The following PTGR2 variants were observed in gnomAD, a reference collection of about 807,000 sequenced individuals.
PTGR2 encodes prostaglandin reductase 2.
PTGR2 carries 32 observed loss-of-function variants against 43.4 expected under a neutral mutation model. That is an observed-to-expected ratio of 0.74 (90% CI 0.56 to 0.99). The LOEUF is 0.99. Ranked by LOEUF, PTGR2 falls within the 50% of genes least tolerant of loss-of-function variation. The pLI is 0.00. For synonymous variants in PTGR2, 106 were observed against 139.2 expected, an observed-to-expected ratio of 0.76 and a Z score of 1.68; for missense variants, 373 against 420.0, an observed-to-expected ratio of 0.89 and a Z score of 0.98.
At chr14:73,856,222 A>G (rs2054342788) in intron 1 of PTGR2, among the ~76,000 whole-genome samples, 1 of 151,914 alleles carries the variant, frequency 6.6e-6, no homozygotes. Context: ...GTTACCCTAT[A>G]TAGGTATACC....
intron 2 of PTGR2, among the ~76,000 whole-genome samples, chr14:73,859,211 G>GT (rs1289400222): frequency 6.6e-6 from 1 of 152,096 alleles, no homozygotes; most frequent in African/African-American, 2.4e-5. Context: ...TTTCTTTAGA[G>GT]TATGTTATTA....
rs187865329 is a variant in PTGR2, at chr14:73,867,649, A to G, written c.157-6374A>G. The stretch of plus-strand genomic sequence containing the variant: ...CTCTTTTTCCTCCAGGGAAGTAAAT[A>G]TTTTGTCTACTTACTCATTTCATGC... On this transcript the variant is annotated intron_variant, in intron 3 of 9. Coordinates refer to ENST00000555661, the MANE Select transcript of PTGR2 (RefSeq NM_001146154.2). Among the ~76,000 whole-genome samples, 44 of 152,290 alleles carry G rather than the reference A, an allele frequency of 2.9e-4. No homozygotes were observed. The East Asian group carries it at 2.9e-3, about 10-fold the overall frequency.
At chr14:73,870,410 C>A (rs563365922) in intron 3 of PTGR2, among the ~76,000 whole-genome samples, 1 of 152,130 alleles carries the variant, frequency 6.6e-6, no homozygotes, top group South Asian at 2.1e-4. Context: ...AAACTCCTGA[C>A]CTCAGGTGAT....
At position 73,879,225 on chromosome 14, in the gene PTGR2, C is replaced by G; in HGVS notation, c.649C>G (p.Leu217Val). The change falls in exon 6 of 10, where the codon CTC (leucine) becomes GTC (valine). Residue 217 changes from leucine (L) to valine (V), a missense_variant. Leu to Val is a conservative substitution (Grantham distance 32). Transcript: ENST00000555661. The part of the protein sequence containing the change: ...NYKKDNVAEQ[L>V]RESCPAGVDV... ...TAAAAAAGACAATGTGGCAGAACAG[C>G]TCCGTGAATCATGCCCAGCTGGAGT... is the stretch of plus-strand genomic sequence containing the variant. The G allele has an allele frequency of 1.2e-6, 2 of 1,614,070 alleles. No homozygotes were observed. The highest frequency in any genetic ancestry group is 1.7e-6 in the Non-Finnish European group (2 of 1,180,010).
chr14:73,882,327 G>T, intron 8 of PTGR2, 72 bp from the exon 9 acceptor site: 3 of 948,160 alleles, frequency 3.2e-6, no homozygotes, highest in Admixed American at 2.1e-5. Flanking sequence ...GCTGGCTTTT[G>T]TAAGTATGGA....
At chr14:73,856,770 T>C (rs8019583) in intron 1 of PTGR2, among the ~76,000 whole-genome samples, 1 of 151,970 alleles carries the variant, frequency 6.6e-6, no homozygotes, top group Non-Finnish European at 1.5e-5. Flanking sequence ...ACACAATGAT[T>C]AAATCACCTA....
chr14:73,882,544 A>G (rs1566643661), intron 9 of PTGR2, 106 bp downstream of exon 9: 11 of 781,420 alleles, frequency 1.4e-5, no homozygotes, highest in Non-Finnish European at 2.3e-5. Context: ...TCTGTTGCCC[A>G]GGCTGGAGTG....
intron 7 of PTGR2, 189 bp downstream of exon 7, chr14:73,880,365 G>GA: frequency 1.7e-6 from 1 of 576,306 alleles, no homozygotes; most frequent in South Asian, 1.7e-5. Context: ...TTGAGGCCAG[G>GA]AGTTCAAAAC....
intron 7 of PTGR2, among the ~76,000 whole-genome samples, chr14:73,880,431 C>T (rs914062569): frequency 1.3e-5 from 2 of 151,398 alleles, no homozygotes; most frequent in African/African-American, 2.4e-5. Flanking sequence ...AAAAATTAGC[C>T]GGGTGTAGTG....
chr14:73,862,396 A>T (rs1050721918), intron 3 of PTGR2, among the ~76,000 whole-genome samples: 3 of 151,942 alleles, frequency 2.0e-5, no homozygotes. Context: ...TTTAGTAGAG[A>T]TGGGGTTTCA....
In PTGR2 at chr14:73,857,664, G is replaced by GTTTTT. The variant is rs1213963564; in HGVS notation, c.-47-1134_-47-1130dup. Among the ~76,000 whole-genome samples the GTTTTT allele has an allele frequency of 1.7e-3, 110 of 64,716 alleles. 14 individuals carry two copies. Among genetic ancestry groups the GTTTTT allele is most frequent in the African/African-American group, 4.4e-3 (70 of 16,070 alleles). 42.5% of individuals were successfully genotyped at this position (64,716 alleles called of 152,430 possible). A position where few individuals can be genotyped will look rare whatever the true frequency, so the allele number is the denominator to read the frequency against. ...ATTACATGTCAATTAAGCAGTTAGT[G>GTTTTT]TTTTTTTTTTTTTTTTTTTTTTGAG... On this transcript the variant is annotated intron_variant, in intron 1 of 9. Coordinates refer to ENST00000555661, the MANE Select transcript of PTGR2 (RefSeq NM_001146154.2).
intron 5 of PTGR2, chr14:73,877,893 C>T (rs1194925241): frequency 6.6e-6 from 1 of 152,248 alleles, no homozygotes; most frequent in African/African-American, 2.4e-5. Context: ...CACAGTGGCT[C>T]ATGCCTGCAA....
intron 1 of PTGR2, 28 bp downstream of exon 1, chr14:73,851,971 A>G (rs1391790451): frequency 2.0e-5 from 3 of 152,228 alleles, no homozygotes; most frequent in African/African-American, 4.8e-5. Context: ...GGCTCCCGCG[A>G]CTGTGGCTCC....
intron 2 of PTGR2, 117 bp downstream of exon 2, chr14:73,859,016 A>G: frequency 1.4e-6 from 1 of 702,576 alleles, no homozygotes; most frequent in Non-Finnish European, 2.4e-6. Context: ...TATTGACACT[A>G]GTAAAGATAT....
intron 4 of PTGR2, among the ~76,000 whole-genome samples, chr14:73,876,483 C>CTT (rs766810794): frequency 2.8e-5 from 3 of 108,570 alleles, no homozygotes; most frequent in Admixed American, 1.0e-4. Context: ...GACATAAGTC[C>CTT]TTTTTTTTTT....
chr14:73,881,870 G>A (rs1470871426), intron 8 of PTGR2, among the ~76,000 whole-genome samples: 1 of 126,074 alleles, frequency 7.9e-6, no homozygotes, highest in Non-Finnish European at 1.6e-5. Context: ...TGCAACCTCC[G>A]CCTCCTAGGT....
rs367588050 is a variant in PTGR2, at chr14:73,874,024, G to A, written c.158G>A (p.Arg53His). ...TATCTTAATGTTTTCTTTTTTCAGC[G>A]TTGTAGAATGAATGAAGACACTGGC... ...TLYLSVDPYM[R>H]CRMNEDTGTD... Residue 53 changes from arginine to histidine, a missense_variant and splice_region_variant, in exon 4 of 10, where the codon CGT (arginine) becomes CAT (histidine). By Grantham distance (29) the Arg-to-His change is conservative. Coordinates refer to ENST00000555661, the MANE Select transcript of PTGR2 (RefSeq NM_001146154.2). 127 of 1,580,846 alleles carry A rather than the reference G, an allele frequency of 8.0e-5. No individual in the cohort carries two copies. The highest frequency in any genetic ancestry group is 5.1e-4 in the Middle Eastern group (3 of 5,904).
rs760424090 is a variant in PTGR2, at chr14:73,874,613, G to C, written c.348+399G>C. The stretch of plus-strand genomic sequence containing the variant: ...GGGTTGTCACTGTGTTGCCCCGGCT[G>C]GTCTCAAACTCCTAGGCTCAAGCAA... On this transcript the variant is annotated intron_variant, in intron 4 of 9. Coordinates refer to ENST00000555661, the MANE Select transcript of PTGR2 (RefSeq NM_001146154.2). 5 of 456,006 alleles carry C rather than the reference G, an allele frequency of 1.1e-5. No individual in the cohort carries two copies. In the East Asian group the frequency reaches 3.5e-4, roughly 32 times the overall value. 28.2% of individuals were successfully genotyped at this position (456,006 alleles called of 1,614,324 possible).
At chr14:73,873,036 C>T (rs1277439253) in intron 3 of PTGR2, among the ~76,000 whole-genome samples, 2 of 151,632 alleles carry the variant, frequency 1.3e-5, no homozygotes, top group East Asian at 3.9e-4. Context: ...ACAGGCCAGG[C>T]GTGGTGGCTC....
Sources: allele counts gnomAD v4.1 joint callset (sites outside exome capture counted in the v4.1 genomes callset), GRCh38; gene constraint gnomAD v4.1.1; transcripts MANE v1.5; gene names NCBI Gene and HGNC (gene_info 2026-07-23, HGNC 2026-07-21).